Variants in FNDC1 observed in about 807,000 individuals in gnomAD.
FNDC1 encodes the protein fibronectin type III domain-containing protein 1.
In FNDC1, 96 loss-of-function variants were observed where a neutral mutation model predicts 168.0. The observed-to-expected ratio is 0.57, with a 90% confidence interval of 0.48 to 0.68. FNDC1 has a LOEUF of 0.68. FNDC1 is among the 30% of genes least tolerant of loss of function. FNDC1 has a pLI of 0.00. For synonymous variants in FNDC1, 1,099 were observed against 1,025.9 expected (o/e 1.07, Z -1.36); for missense variants, 2,587 against 2,482.1 (o/e 1.04, Z -0.90).
intron 19 of FNDC1, among the ~76,000 whole-genome samples, chr6:159,263,561 G>A (rs866053441): frequency 1.6e-4 from 25 of 152,250 alleles, no homozygotes; most frequent in African/African-American, 5.5e-4. Flanking sequence ...ATGAGATCGA[G>A]ACCATCCTGG....
At chr6:159,268,772 C>G (rs1315796416) in intron 22 of FNDC1, among the ~76,000 whole-genome samples, 1 of 150,160 alleles carries the variant, frequency 6.7e-6, no homozygotes, top group Non-Finnish European at 1.5e-5. Context: ...ATTAATCTAT[C>G]TACACATCTA....
Position 159,169,577 on chromosome 6 carries a change from C to T in FNDC1, c.-20C>T. ...CCTGCCAGCCGCAAGCACCCAGCCC[C>T]GGCCCACCCCGGGCTCTCGATGGCC... On this transcript the variant is annotated 5_prime_UTR_variant, in exon 1 of 23. Transcript: ENST00000297267. This position sits in a 1 kb window ranked among gnomAD's most constrained non-coding sequence, Gnocchi z 6.8. The T allele has an allele frequency of 3.0e-6, 3 of 1,013,094 alleles. No individual in the cohort carries two copies. The highest frequency in any genetic ancestry group is 3.6e-6 in the Non-Finnish European group (3 of 827,390). The allele number at this position is 1,013,094 out of a possible 1,614,324, so 62.8% of individuals were successfully genotyped here. A position where few individuals can be genotyped will look rare whatever the true frequency, so the allele number is the denominator to read the frequency against.
Position 159,232,997 on chromosome 6 carries a change from G to C in FNDC1, c.2485G>C (p.Gly829Arg). 2 of 1,612,424 alleles carry C rather than the reference G, an allele frequency of 1.2e-6. No individual in the cohort carries two copies. Among genetic ancestry groups the C allele is most frequent in the Non-Finnish European group, 1.7e-6 (2 of 1,179,638 alleles). The stretch of plus-strand genomic sequence containing the variant: ...CAGACACAAACCCTTTGCTGCCAAC[G>C]GGAGGTCTCCAAGCAGGTTCAGCAT... Reference protein sequence around the residue: ...LLRHKPFAANGRSPSRFSIGR... With the variant: ...LLRHKPFAANRRSPSRFSIGR... The change falls in exon 11 of 23, where the codon GGG becomes CGG. Residue 829 changes from glycine to arginine, a missense_variant. Transcript: ENST00000297267. The surrounding 1 kb of genome is among the most constrained non-coding windows in gnomAD (Gnocchi z 4.9).
At chr6:159,210,882 C>T (rs573362933) in intron 4 of FNDC1, among the ~76,000 whole-genome samples, 97 of 152,314 alleles carry the variant, frequency 6.4e-4, no homozygotes, top group Non-Finnish European at 1.2e-3. Flanking sequence ...CTTTCTTCTT[C>T]CTCTCAGGCT....
rs1027808121 is a variant in FNDC1 at position 159,239,834 on chromosome 6, A to G, written c.4498A>G (p.Thr1500Ala). 6.5e-7 allele frequency: 1 copy of G among 1,545,554 alleles called. No homozygotes were observed. Among genetic ancestry groups the G allele is most frequent in the Non-Finnish European group, 8.8e-7 (1 of 1,142,560 alleles). The change falls in exon 14 of 23, where the codon ACC becomes GCC. Residue 1500 changes from threonine to alanine, a missense_variant. Coordinates refer to ENST00000297267, the MANE Select transcript of FNDC1 (RefSeq NM_032532.3). ...TVRTTTRTTT[T>A]TTPTPTTPIP... The stretch of plus-strand genomic sequence containing the variant: ...CCGAACCACTACGCGGACAACCACC[A>G]CCACCACCCCCACACCCACCACTCC...
intron 9 of FNDC1, among the ~76,000 whole-genome samples, chr6:159,228,082 AT>A (rs1188163649): frequency 6.6e-6 from 1 of 152,192 alleles, no homozygotes; most frequent in Non-Finnish European, 1.5e-5. Flanking sequence ...TGAAAAGGTA[AT>A]TATTGCACCT....
intron 4 of FNDC1, among the ~76,000 whole-genome samples, chr6:159,211,797 T>A (rs1239456994): frequency 6.6e-6 from 1 of 152,216 alleles, no homozygotes; most frequent in African/African-American, 2.4e-5. Flanking sequence ...TGTGCACTAT[T>A]TTACAGAAGA....
At chr6:159,179,559 C>A (rs764845595) in intron 1 of FNDC1, among the ~76,000 whole-genome samples, 6 of 152,204 alleles carry the variant, frequency 3.9e-5, no homozygotes, top group Non-Finnish European at 8.8e-5. Flanking sequence ...CTTCTCCCTG[C>A]CTTTAACAGG....
At chr6:159,246,166 T>C (rs533357477) in intron 14 of FNDC1, among the ~76,000 whole-genome samples, 1 of 152,392 alleles carries the variant, frequency 6.6e-6, no homozygotes, top group East Asian at 1.9e-4. Context: ...AAAATAGATC[T>C]ATTGGTTAGT....
chr6:159,199,933 GA>G, intron 2 of FNDC1, 62 bp from the exon 3 acceptor site: 1 of 1,379,896 alleles, frequency 7.2e-7, no homozygotes, highest in South Asian at 1.2e-5. Flanking sequence ...CATGGTTAGT[GA>G]GTGAAACTGT....
At chr6:159,270,498 C>T (rs112090052) in intron 22 of FNDC1, among the ~76,000 whole-genome samples, 1 of 152,102 alleles carries the variant, frequency 6.6e-6, no homozygotes, top group Non-Finnish European at 1.5e-5. Flanking sequence ...CCATGGTGTC[C>T]CTGTGACTGT....
At chr6:159,184,123 G>A (rs1379051922) in intron 1 of FNDC1, among the ~76,000 whole-genome samples, 1 of 152,196 alleles carries the variant, frequency 6.6e-6, no homozygotes, top group Non-Finnish European at 1.5e-5. Flanking sequence ...TTATAAAAAT[G>A]CGAACACCAA....
At position 159,232,128 on chromosome 6, in the gene FNDC1, A is replaced by C; in HGVS notation, c.1616A>C (p.Glu539Ala). ...KAEELDLQST[E>A]ITGEEELGSR... ...GAGGAGCTGGATCTTCAGTCGACAG[A>C]AATCACTGGGGAGGAGGAGCTGGGT... The change falls in exon 11 of 23, where the codon GAA becomes GCA. Residue 539 changes from glutamate to alanine, a missense_variant. Physicochemically the swap from Glu to Ala is moderately radical, Grantham distance 107. Transcript: ENST00000297267. This position sits in a 1 kb window ranked among gnomAD's most constrained non-coding sequence, Gnocchi z 4.9. 2 of 1,613,940 alleles carry C rather than the reference A, an allele frequency of 1.2e-6. No individual in the cohort carries two copies. The highest frequency in any genetic ancestry group is 1.7e-6 in the Non-Finnish European group (2 of 1,179,864).
At chr6:159,228,071 A>C (rs1255143429) in intron 9 of FNDC1, among the ~76,000 whole-genome samples, 1 of 152,248 alleles carries the variant, frequency 6.6e-6, no homozygotes, top group African/African-American at 2.4e-5. Context: ...TAGTTAAAAA[A>C]TGAAAAGGTA....
chr6:159,259,707 G>T (rs778573130), intron 18 of FNDC1, among the ~76,000 whole-genome samples: 10 of 152,192 alleles, frequency 6.6e-5, no homozygotes, highest in Non-Finnish European at 1.5e-4. Flanking sequence ...CTGCATAAAA[G>T]TACATGTAAC....
chr6:159,199,803 G>C (rs1040490499), intron 2 of FNDC1, among the ~76,000 whole-genome samples, 193 bp from the exon 3 acceptor site: 1 of 152,142 alleles, frequency 6.6e-6, no homozygotes, highest in Non-Finnish European at 1.5e-5. Context: ...GTGTTTTTCA[G>C]TTGCATGAGA....
intron 22 of FNDC1, among the ~76,000 whole-genome samples, chr6:159,268,825 TATCTATCTATCTATC>T (rs1562315368): frequency 3.6e-4 from 11 of 30,682 alleles, no homozygotes; most frequent in South Asian, 1.4e-3. Context: ...TCTATTCATC[TATCTATCTATCTATC>T]TATCTATCTA....
chr6:159,186,237 G>A (rs914438674), intron 1 of FNDC1, among the ~76,000 whole-genome samples: 2 of 152,098 alleles, frequency 1.3e-5, no homozygotes, highest in Non-Finnish European at 2.9e-5. Context: ...GAGTAAAGTA[G>A]GAAGATAATG....
Position 159,234,000 on chromosome 6 carries a change from C to A in FNDC1, c.3488C>A (p.Ser1163Tyr). 1 of 1,605,954 alleles carries A rather than the reference C, an allele frequency of 6.2e-7. No individual in the cohort carries two copies. Among genetic ancestry groups the A allele is most frequent in the East Asian group, 2.2e-5 (1 of 44,680 alleles). The change falls in exon 11 of 23, where the codon TCC becomes TAC. Residue 1163 changes from serine to tyrosine, a missense_variant. Ser to Tyr is a moderately radical substitution (Grantham distance 144). Transcript: ENST00000297267. This position sits in a 1 kb window ranked among gnomAD's most constrained non-coding sequence, Gnocchi z 4.6. ...RAAPGKSEPP[S>Y]KRPLSSKSQQ... The stretch of plus-strand genomic sequence containing the variant: ...GCGCCGGGGAAGTCGGAGCCTCCTT[C>A]CAAGCGGCCCCTGTCCTCCAAGTCC...
Sources: gnomAD v4.1 joint callset for allele counts (sites outside exome capture counted in the v4.1 genomes callset) on GRCh38, gnomAD v4.1.1 for gene constraint, Gnocchi (gnomAD v3.1) non-coding constraint, MANE v1.5 for transcripts, NCBI Gene and HGNC (gene_info 2026-07-23, HGNC 2026-07-21) for gene names.